The following EYA2 variants were observed in gnomAD, a reference collection of about 807,000 sequenced individuals.
EYA2 encodes the protein EYA transcriptional coactivator and phosphatase 2, also known as protein phosphatase EYA2.
A neutral mutation model predicts 69.2 loss-of-function variants in EYA2; 31 were observed. That is an observed-to-expected ratio of 0.45 (90% confidence interval 0.34 to 0.60). EYA2 has a LOEUF of 0.60. Among genes scored for constraint, EYA2 ranks in the 20% least tolerant of loss-of-function variants. The probability of loss-of-function intolerance (pLI) is 0.02; values close to 1 mark genes in which losing one functional copy is unlikely to be tolerated. For missense variants in EYA2, 622 were observed against 701.2 expected (o/e 0.89, Z 1.28); for synonymous variants, 257 against 279.4 (o/e 0.92, Z 0.80).
At chr20:47,065,652 C>T (rs1294774955) in intron 5 of EYA2, among the ~76,000 whole-genome samples, 1 of 152,084 alleles carries the variant, frequency 6.6e-6, no homozygotes, top group Non-Finnish European at 1.5e-5. Context: ...TTAGATTTAA[C>T]AGGCATAAAG....
chr20:47,042,042 GCCAAGTAT>G (rs1479041190), intron 5 of EYA2, among the ~76,000 whole-genome samples: 1 of 152,020 alleles, frequency 6.6e-6, no homozygotes, highest in Non-Finnish European at 1.5e-5. Flanking sequence ...TTAAATTATA[GCCAAGTAT>G]CCAAATCTGA....
At chr20:46,921,358 TTCC>T in intron 1 of EYA2, among the ~76,000 whole-genome samples, 1 of 152,400 alleles carries the variant, frequency 6.6e-6, no homozygotes, top group South Asian at 2.1e-4. Context: ...CACATTTATT[TTCC>T]TCATGTCCAT....
At chr20:46,990,405 G>A (rs1749996397) in intron 2 of EYA2, among the ~76,000 whole-genome samples, 3 of 152,136 alleles carry the variant, frequency 2.0e-5, no homozygotes, top group Admixed American at 2.0e-4. Context: ...TCACTTTGGG[G>A]CGTGTCCCAG....
chr20:46,913,336 G>A (rs1984743761), intron 1 of EYA2, among the ~76,000 whole-genome samples: 1 of 152,192 alleles, frequency 6.6e-6, no homozygotes, highest in Admixed American at 6.5e-5. Flanking sequence ...TGTGGCTGGA[G>A]CTGAGTGAGA....
chr20:47,131,814 A>T (rs534625997), intron 9 of EYA2, among the ~76,000 whole-genome samples: 114 of 152,358 alleles, frequency 7.5e-4, no homozygotes, highest in African/African-American at 2.6e-3. Flanking sequence ...CATTGTTTAA[A>T]GCCACTAAGT....
chr20:47,015,791 G>A (rs1012546808), intron 4 of EYA2, among the ~76,000 whole-genome samples: 3 of 152,158 alleles, frequency 2.0e-5, no homozygotes, highest in African/African-American at 7.2e-5. Context: ...GTTAAAACCA[G>A]CCTCAAAGTC....
intron 9 of EYA2, among the ~76,000 whole-genome samples, chr20:47,104,945 C>T (rs994582420): frequency 5.3e-5 from 8 of 152,082 alleles, no homozygotes; most frequent in Admixed American, 6.6e-5. Flanking sequence ...TCCTTGAACC[C>T]GGGAGGTGGA....
intron 9 of EYA2, among the ~76,000 whole-genome samples, chr20:47,126,063 G>A (rs1468977536): frequency 2.0e-5 from 3 of 152,122 alleles, no homozygotes; most frequent in Admixed American, 6.5e-5. Flanking sequence ...GTCTGCAGAC[G>A]GGCAGGTCTG....
chr20:46,999,666 AC>A (rs1982235980), intron 2 of EYA2, among the ~76,000 whole-genome samples: 1 of 152,108 alleles, frequency 6.6e-6, no homozygotes, highest in Admixed American at 6.5e-5. Context: ...GAACTTCAAG[AC>A]CACCACCCCC....
At chr20:46,918,126 C>T (rs1450560436) in intron 1 of EYA2, among the ~76,000 whole-genome samples, 1 of 152,072 alleles carries the variant, frequency 6.6e-6, no homozygotes, top group Non-Finnish European at 1.5e-5. Flanking sequence ...CGAGACCATC[C>T]TGGCTAACAC....
At chr20:47,164,402 G>T (rs778650004) in intron 10 of EYA2, among the ~76,000 whole-genome samples, 1 of 152,188 alleles carries the variant, frequency 6.6e-6, no homozygotes, top group Non-Finnish European at 1.5e-5. Context: ...CAAGGAAAGC[G>T]CATGGAACCC....
At chr20:47,029,136 G>A (rs934933587) in intron 5 of EYA2, among the ~76,000 whole-genome samples, 6 of 152,234 alleles carry the variant, frequency 3.9e-5, no homozygotes, top group Non-Finnish European at 4.4e-5. Flanking sequence ...TGTGAAGGCA[G>A]GGGACTCTGA....
chr20:47,134,324 G>A (rs2033409542), intron 9 of EYA2, among the ~76,000 whole-genome samples: 1 of 152,154 alleles, frequency 6.6e-6, no homozygotes, highest in Non-Finnish European at 1.5e-5. Flanking sequence ...TATGGAGTCT[G>A]GAGTCAGATT....
intron 5 of EYA2, among the ~76,000 whole-genome samples, chr20:47,039,401 G>T (rs1984911913): frequency 6.6e-6 from 1 of 152,168 alleles, no homozygotes; most frequent in Non-Finnish European, 1.5e-5. Flanking sequence ...TATGTCTATT[G>T]TCTGTGGCTA....
chr20:47,098,982 C>G (rs1181452576), intron 9 of EYA2, among the ~76,000 whole-genome samples: 1 of 152,180 alleles, frequency 6.6e-6, no homozygotes, highest in Non-Finnish European at 1.5e-5. Flanking sequence ...CCCAGAAGAT[C>G]CTGAGACAAA....
At chr20:46,896,883 T>G (rs961534535) in intron 1 of EYA2, among the ~76,000 whole-genome samples, 21 of 152,216 alleles carry the variant, frequency 1.4e-4, no homozygotes, top group African/African-American at 5.1e-4. Flanking sequence ...TGTCTTAAAA[T>G]AGCTCACCTG....
At chr20:47,013,865 CATT>C (rs1270183086) in intron 4 of EYA2, among the ~76,000 whole-genome samples, 3 of 152,320 alleles carry the variant, frequency 2.0e-5, no homozygotes, top group East Asian at 1.9e-4. Flanking sequence ...TTGCTGCCAT[CATT>C]GTTGTTACTA....
intron 1 of EYA2, chr20:46,978,750 G>C: frequency 1.9e-6 from 1 of 527,750 alleles, no homozygotes; most frequent in Admixed American, 2.0e-5. Context: ...GTCTTCCTGG[G>C]CAGAGAGGAT....
At chr20:46,978,986 G>A (rs1164731421) in intron 1 of EYA2, among the ~76,000 whole-genome samples, 1 of 152,200 alleles carries the variant, frequency 6.6e-6, no homozygotes, top group Non-Finnish European at 1.5e-5. Context: ...TCCAGGTTTG[G>A]GCCACAGCTG....
Sources: allele counts gnomAD v4.1 joint callset (sites outside exome capture counted in the v4.1 genomes callset), GRCh38; gene constraint gnomAD v4.1.1; transcripts MANE v1.5; gene names NCBI Gene and HGNC (gene_info 2026-07-23, HGNC 2026-07-21).